RNGTT: variants seen among roughly 807,000 people sequenced by gnomAD.
RNGTT encodes RNA guanylyltransferase and 5'-phosphatase.
A neutral mutation model predicts 79.3 loss-of-function variants in RNGTT; 33 were observed. The ratio of observed to expected loss-of-function variants is 0.42; its 90% confidence interval spans 0.32 to 0.56. The LOEUF is 0.56. Ranked by LOEUF, RNGTT falls within the 20% of genes least tolerant of loss-of-function variation. The probability of loss-of-function intolerance (pLI) is 0.17; values close to 1 mark genes in which losing one functional copy is unlikely to be tolerated. For synonymous variants in RNGTT, 222 were observed against 235.9 expected (o/e 0.94, Z 0.54); for missense variants, 497 against 739.1 (o/e 0.67, Z 3.80).
chr6:88,877,667 A>C (rs1397476796), intron 8 of RNGTT, among the ~76,000 whole-genome samples: 1 of 152,330 alleles, frequency 6.6e-6, no homozygotes, highest in Admixed American at 6.5e-5. Context: ...GGGGACTTAA[A>C]GAAAGATTTA....
intron 7 of RNGTT, among the ~76,000 whole-genome samples, chr6:88,891,360 G>A (rs748137956): frequency 6.6e-6 from 1 of 152,082 alleles, no homozygotes; most frequent in African/African-American, 2.4e-5. Context: ...TAAGAGCAAT[G>A]TATGCTCTCC....
At chr6:88,809,618 A>G (rs2127869820) in intron 11 of RNGTT, among the ~76,000 whole-genome samples, 1 of 152,236 alleles carries the variant, frequency 6.6e-6, no homozygotes, top group East Asian at 1.9e-4. Flanking sequence ...ATAACCCAAG[A>G]ATAAAAGAAG....
chr6:88,628,784 T>C (rs1441080870), intron 14 of RNGTT, among the ~76,000 whole-genome samples: 3 of 152,156 alleles, frequency 2.0e-5, no homozygotes, highest in African/African-American at 7.2e-5. Flanking sequence ...TACCTCTTGG[T>C]ACTAACTGGG....
intron 12 of RNGTT, among the ~76,000 whole-genome samples, chr6:88,773,229 C>A (rs1778753676): frequency 6.8e-6 from 1 of 146,790 alleles, no homozygotes; most frequent in African/African-American, 2.6e-5. Flanking sequence ...AACAAAAAAA[C>A]AAACACCGCA....
intron 13 of RNGTT, among the ~76,000 whole-genome samples, chr6:88,716,879 A>C (rs965463018): frequency 6.6e-6 from 1 of 152,162 alleles, no homozygotes; most frequent in African/African-American, 2.4e-5. Flanking sequence ...ATGACGAGTT[A>C]CTGGGTGCAG....
intron 13 of RNGTT, among the ~76,000 whole-genome samples, chr6:88,758,356 G>A (rs1053969846): frequency 9.9e-5 from 15 of 152,224 alleles, no homozygotes; most frequent in African/African-American, 3.6e-4. Context: ...ACACAGAAAG[G>A]AATAAATGAA....
chr6:88,666,882 T>C (rs1774433106), intron 14 of RNGTT, among the ~76,000 whole-genome samples: 1 of 152,198 alleles, frequency 6.6e-6, no homozygotes, highest in East Asian at 1.9e-4. Context: ...ACTGTAAACA[T>C]TTATACTGAC....
rs116196558 is a variant in RNGTT, at chr6:88,924,032, G to A, written c.367+4953C>T. Among the ~76,000 whole-genome samples, 843 of 152,280 alleles carry A rather than the reference G, an allele frequency of 5.5e-3. 7 individuals carry two copies. Among genetic ancestry groups the A allele is most frequent in the African/African-American group, 0.018 (732 of 41,566 alleles). On this transcript the variant is annotated intron_variant, in intron 4 of 15. Coordinates refer to ENST00000369485, the MANE Select transcript of RNGTT (RefSeq NM_003800.5). ...GTACTCAAGTTATCCTGGAGGCCCT[G>A]AGGAGGGGTGGCCAAGGGCCACCTC...
chr6:88,708,348 T>G (rs980162092), intron 13 of RNGTT, among the ~76,000 whole-genome samples: 4 of 152,156 alleles, frequency 2.6e-5, no homozygotes, highest in Non-Finnish European at 4.4e-5. Context: ...GTTAGCTCAC[T>G]GACCATTGTC....
At chr6:88,904,570 A>T (rs1158014397) in intron 6 of RNGTT, 145 bp downstream of exon 6, 33 of 1,013,706 alleles carry the variant, frequency 3.3e-5, no homozygotes, top group Admixed American at 6.7e-5. Flanking sequence ...TCCAAAAAAA[A>T]AAAATTTTTT....
intron 1 of RNGTT, among the ~76,000 whole-genome samples, chr6:88,955,682 C>T (rs2127965888): frequency 6.6e-6 from 1 of 151,832 alleles, no homozygotes; most frequent in East Asian, 1.9e-4. Flanking sequence ...AAGTAACAAA[C>T]ATCAGAGCAG....
intron 14 of RNGTT, among the ~76,000 whole-genome samples, chr6:88,645,205 C>A (rs1445070570): frequency 2.0e-5 from 3 of 152,072 alleles, no homozygotes; most frequent in African/African-American, 2.4e-5. Flanking sequence ...TCTTATACAC[C>A]AATAACAGAC....
At chr6:88,785,399 T>G (rs1242552541) in intron 12 of RNGTT, among the ~76,000 whole-genome samples, 2 of 152,128 alleles carry the variant, frequency 1.3e-5, no homozygotes, top group African/African-American at 4.8e-5. Context: ...AAGTAAATAT[T>G]TATTTTAAAA....
intron 11 of RNGTT, among the ~76,000 whole-genome samples, chr6:88,814,356 TA>T (rs1268573915): frequency 6.6e-6 from 1 of 152,340 alleles, no homozygotes; most frequent in Non-Finnish European, 1.5e-5. Flanking sequence ...ACTGACTTTC[TA>T]AAACAAACAA....
intron 1 of RNGTT, among the ~76,000 whole-genome samples, chr6:88,951,820 C>T (rs2127964201): frequency 6.6e-6 from 1 of 152,234 alleles, no homozygotes; most frequent in African/African-American, 2.4e-5. Context: ...CTCACAGGGG[C>T]CCTCGGGGAA....
chr6:88,612,398 C>T lies in RNGTT; in HGVS notation c.*321G>A, dbSNP rs932154292. ...CTTTATAAATTAAATGTGAAGCTAC[C>T]CATATATAAACAAGGCCTCTTTTTC... On this transcript the variant is annotated 3_prime_UTR_variant, in exon 16 of 16. Coordinates refer to ENST00000369485, the MANE Select transcript of RNGTT (RefSeq NM_003800.5). 3 of 186,558 alleles carry T rather than the reference C, an allele frequency of 1.6e-5. No individual in the cohort carries two copies. Among genetic ancestry groups the T allele is most frequent in the African/African-American group, 7.1e-5 (3 of 42,454 alleles). 11.6% of individuals were successfully genotyped at this position (186,558 alleles called of 1,614,324 possible). A position where few individuals can be genotyped will look rare whatever the true frequency, so the allele number is the denominator to read the frequency against.
At chr6:88,870,269 A>G (rs1479016995) in intron 8 of RNGTT, among the ~76,000 whole-genome samples, 1 of 152,096 alleles carries the variant, frequency 6.6e-6, no homozygotes, top group Non-Finnish European at 1.5e-5. Context: ...CAAAAACCAA[A>G]TGTAGTTCCT....
At chr6:88,963,310 A>T in intron 1 of RNGTT, 36 bp downstream of exon 1, 1 of 1,608,188 alleles carries the variant, frequency 6.2e-7, no homozygotes, top group Non-Finnish European at 8.5e-7. Flanking sequence ...GGCACGTTGG[A>T]GTGTGGGGAT....
intron 2 of RNGTT, among the ~76,000 whole-genome samples, chr6:88,930,034 A>G (rs1322025213): frequency 2.7e-5 from 3 of 111,688 alleles, no homozygotes; most frequent in Non-Finnish European, 6.2e-5. Context: ...ATATATGCAT[A>G]TATATGCATA....
Sources: gnomAD v4.1 joint callset for allele counts (sites outside exome capture counted in the v4.1 genomes callset) on GRCh38, gnomAD v4.1.1 for gene constraint, MANE v1.5 for transcripts, NCBI Gene and HGNC (gene_info 2026-07-23, HGNC 2026-07-21) for gene names.